PASD1: variants seen among roughly 807,000 people sequenced by gnomAD.
The protein encoded by PASD1 is PAS domain containing repressor 1.
A neutral mutation model predicts 58.8 loss-of-function variants in PASD1; 13 were observed. The ratio of observed to expected loss-of-function variants is 0.22; its 90% CI spans 0.14 to 0.35. The LOEUF is 0.35. PASD1 is among the 10% of genes least tolerant of loss of function. The probability of loss-of-function intolerance (pLI) is 1.00; values close to 1 mark genes in which losing one functional copy is unlikely to be tolerated. For missense variants in PASD1, 734 were observed against 568.3 expected, an observed-to-expected ratio of 1.29 and a Z score of -2.96; for synonymous variants, 236 against 216.7, an observed-to-expected ratio of 1.09 and a Z score of -0.78.
In PASD1 at chrX:151,604,682, A is replaced by G. The variant is rs1348264021; in HGVS notation, c.65A>G (p.Asn22Ser). The G allele has an allele frequency of 8.3e-7, 1 of 1,208,951 alleles. No homozygotes were observed. The highest frequency in any genetic ancestry group is 1.1e-6 in the Non-Finnish European group (1 of 893,606). The change falls in exon 3 of 16, where the codon AAC becomes AGC. Residue 22 changes from asparagine (N) to serine (S), a missense_variant. Physicochemically the swap from Asn to Ser is conservative, Grantham distance 46. Coordinates refer to ENST00000370357, the MANE Select transcript of PASD1 (RefSeq NM_173493.3). The stretch of plus-strand genomic sequence containing the variant: ...CCAAAAAGCTCTCAAAGGAAATTAA[A>G]CTGGATTCCATCATTTCCTACCTAT... ...VNPKSSQRKL[N>S]WIPSFPTYDY...
chrX:151,568,824 G>A (rs2012885164), intron 1 of PASD1, among the ~76,000 whole-genome samples: 1 of 111,540 alleles, frequency 9.0e-6, no homozygotes, highest in South Asian at 3.8e-4. Context: ...CCGAATATAT[G>A]GGTGAGCAAT....
intron 10 of PASD1, among the ~76,000 whole-genome samples, chrX:151,663,638 T>C (rs1383085199): frequency 8.9e-6 from 1 of 112,225 alleles, no homozygotes; most frequent in African/African-American, 3.2e-5. Context: ...CAAAAATGAC[T>C]GTACCATTTT....
At chrX:151,622,495 C>T (rs1283999375) in intron 6 of PASD1, among the ~76,000 whole-genome samples, 4 of 109,888 alleles carry the variant, frequency 3.6e-5, no homozygotes, top group Non-Finnish European at 7.6e-5. Flanking sequence ...AATTAACTCA[C>T]GCAAAAGGTG....
chrX:151,583,752 C>CT (rs1415893214), intron 1 of PASD1, among the ~76,000 whole-genome samples: 4 of 111,906 alleles, frequency 3.6e-5, no homozygotes, highest in African/African-American at 1.3e-4. Context: ...GATTCTCACA[C>CT]TTGATATTGC....
At chrX:151,612,673 T>C (rs1182388996) in intron 4 of PASD1, among the ~76,000 whole-genome samples, 4 of 111,618 alleles carry the variant, frequency 3.6e-5, no homozygotes, top group East Asian at 2.8e-4. Context: ...TGTTTGTTTT[T>C]TTCTTGTAAA....
At chrX:151,575,056 C>CT (rs1444492905) in intron 1 of PASD1, among the ~76,000 whole-genome samples, 1 of 111,957 alleles carries the variant, frequency 8.9e-6, no homozygotes, top group African/African-American at 3.3e-5. Flanking sequence ...AACACCATCT[C>CT]TAGGGCTTGT....
chrX:151,671,245 A>G, intron 12 of PASD1, 49 bp downstream of exon 12: 1 of 1,175,249 alleles, frequency 8.5e-7, no homozygotes, highest in Non-Finnish European at 1.1e-6. Flanking sequence ...CTATATTAGT[A>G]GCAGAAGGAA....
At chrX:151,603,084 CTG>C (rs1466135497) in intron 2 of PASD1, among the ~76,000 whole-genome samples, 4 of 112,539 alleles carry the variant, frequency 3.6e-5, no homozygotes, top group Non-Finnish European at 1.9e-5. Flanking sequence ...ATACCTGAAA[CTG>C]TCTGTTCTGT....
In PASD1 at chrX:151,668,814, T is replaced by C. The variant is rs765268675; in HGVS notation, c.1072-2224T>C. Among the ~76,000 whole-genome samples the C allele has an allele frequency of 7.3e-5, 8 of 109,195 alleles. No homozygotes were observed. In the South Asian group the frequency reaches 3.2e-3, roughly 43 times the overall value. 94.8% of individuals were successfully genotyped at this position (109,195 alleles called of 115,157 possible). A position where few individuals can be genotyped will look rare whatever the true frequency, so the allele number is the denominator to read the frequency against. On this transcript the variant is annotated intron_variant, in intron 11 of 15. Transcript: ENST00000370357. The stretch of plus-strand genomic sequence containing the variant: ...GCTGGTACCATTCGTTCTGAAACTA[T>C]TCCAATCAATAGAAAAAGAGGGAAT...
At chrX:151,597,210 G>T (rs1456600971) in intron 1 of PASD1, among the ~76,000 whole-genome samples, 3 of 111,936 alleles carry the variant, frequency 2.7e-5, no homozygotes, top group African/African-American at 9.7e-5. Flanking sequence ...GTGTTTTCTA[G>T]TGTAATCTGC....
At chrX:151,625,855 G>A (rs34987664) in intron 8 of PASD1, among the ~76,000 whole-genome samples, 18,420 of 110,552 alleles carry the variant, frequency 0.17, 1,268 homozygotes, top group Non-Finnish European at 0.22. Flanking sequence ...ACTGATGTGG[G>A]AGGATCAGTT....
chrX:151,628,713 T>C (rs1054304929), intron 8 of PASD1, among the ~76,000 whole-genome samples: 1 of 111,822 alleles, frequency 8.9e-6, no homozygotes, highest in African/African-American at 3.3e-5. Flanking sequence ...AGTAGTTTTT[T>C]CCAATTCTGT....
chrX:151,673,722 G>T (rs1353445718), intron 14 of PASD1: 7 of 452,380 alleles, frequency 1.5e-5, no homozygotes, highest in Non-Finnish European at 2.7e-5. Context: ...TGAGACAAGG[G>T]ATTGTAATTT....
intron 8 of PASD1, chrX:151,641,229 A>G (rs2013992242): frequency 9.0e-6 from 1 of 111,031 alleles, no homozygotes; most frequent in African/African-American, 3.3e-5. Flanking sequence ...AAAGCACATT[A>G]GAGGAGTTCA....
Position 151,672,339 on chromosome X carries a change from C to A in PASD1, c.1594C>A (p.Leu532Met), listed in dbSNP as rs778716098. The stretch of plus-strand genomic sequence containing the variant: ...GCAGAAAATGCAGGAGAAGAAGAAG[C>A]TGCAGGAGCAGAGGCGGCAAAAGAA... Reference protein sequence around the residue: ...QEQKMQEKKKLQEQRRQKKKK... With the variant: ...QEQKMQEKKKMQEQRRQKKKK... The change falls in exon 14 of 16, where the codon CTG becomes ATG. Residue 532 changes from leucine to methionine, a missense_variant. Coordinates refer to ENST00000370357, the MANE Select transcript of PASD1 (RefSeq NM_173493.3). The A allele has an allele frequency of 2.9e-5, 34 of 1,179,866 alleles. No individual in the cohort carries two copies. The East Asian group carries it at 9.8e-4, about 34-fold the overall frequency.
chrX:151,650,773 A>G (rs1235825039), intron 9 of PASD1, among the ~76,000 whole-genome samples: 2 of 111,788 alleles, frequency 1.8e-5, no homozygotes, highest in Non-Finnish European at 3.8e-5. Context: ...TTGGAAATCA[A>G]TGAGAGGAGC....
chrX:151,597,876 G>T (rs766336227), intron 1 of PASD1, among the ~76,000 whole-genome samples: 1 of 111,008 alleles, frequency 9.0e-6, no homozygotes, highest in Non-Finnish European at 1.9e-5. Context: ...GATTATAGGT[G>T]CCTGCCACCA....
At chrX:151,663,571 T>C (rs2014336804) in intron 10 of PASD1, among the ~76,000 whole-genome samples, 1 of 112,434 alleles carries the variant, frequency 8.9e-6, no homozygotes, top group Non-Finnish European at 1.9e-5. Flanking sequence ...GTTGCGGGAC[T>C]GCTGGGTCAT....
intron 9 of PASD1, among the ~76,000 whole-genome samples, chrX:151,657,603 C>T (rs1173451912): frequency 1.8e-5 from 2 of 111,398 alleles, no homozygotes; most frequent in Non-Finnish European, 3.8e-5. Flanking sequence ...CGTATGTGTC[C>T]AGGAATTTAT....
Sources: allele counts gnomAD v4.1 joint callset (sites outside exome capture counted in the v4.1 genomes callset), GRCh38; gene constraint gnomAD v4.1.1; transcripts MANE v1.5; gene names NCBI Gene and HGNC (gene_info 2026-07-23, HGNC 2026-07-21).